Variants in PRKCA observed in about 807,000 individuals in gnomAD.
The protein encoded by PRKCA is protein kinase C alpha type.
In PRKCA, 27 loss-of-function variants were observed where a neutral mutation model predicts 87.0. That is an observed-to-expected ratio of 0.31 (90% CI 0.23 to 0.43). PRKCA has a LOEUF of 0.43. Among genes scored for constraint, PRKCA ranks in the 20% least tolerant of loss-of-function variants. PRKCA has a pLI of 1.00. For missense variants in PRKCA, 518 were observed against 852.3 expected (o/e 0.61, Z 4.88); for synonymous variants, 329 against 311.1 (o/e 1.06, Z -0.61).
intron 11 of PRKCA, 141 bp downstream of exon 11, chr17:66,738,996 C>T: frequency 1.5e-6 from 1 of 646,470 alleles, no homozygotes; most frequent in Non-Finnish European, 2.7e-6. Context: ...GATTCTCCCA[C>T]CTCAGCCTCC....
chr17:66,755,082 A>G (rs966697564), intron 13 of PRKCA, among the ~76,000 whole-genome samples: 7 of 152,170 alleles, frequency 4.6e-5, no homozygotes, highest in Non-Finnish European at 8.8e-5. Flanking sequence ...GATTTCTGCC[A>G]GGATCAGCTA....
chr17:66,699,601 T>C (rs934802705), intron 8 of PRKCA, among the ~76,000 whole-genome samples: 1 of 152,236 alleles, frequency 6.6e-6, no homozygotes, highest in African/African-American at 2.4e-5. Context: ...CCAAACACTT[T>C]TTAAGAGACA....
chr17:66,539,692 G>A (rs1002333557), intron 3 of PRKCA, among the ~76,000 whole-genome samples: 5 of 152,082 alleles, frequency 3.3e-5, no homozygotes, highest in African/African-American at 1.2e-4. Flanking sequence ...CGTAAGCACC[G>A]CGCCCGGCCT....
At chr17:66,336,763 T>TGTGTGTGTGTGC (rs1906709759) in intron 2 of PRKCA, among the ~76,000 whole-genome samples, 5 of 67,462 alleles carry the variant, frequency 7.4e-5, no homozygotes, top group African/African-American at 2.6e-4. Context: ...TTTGTGTGTG[T>TGTGTGTGTGTGC]GTGTGTGTGT....
intron 2 of PRKCA, among the ~76,000 whole-genome samples, chr17:66,409,763 A>G (rs1264764795): frequency 3.9e-5 from 6 of 152,148 alleles, no homozygotes; most frequent in Non-Finnish European, 8.8e-5. Flanking sequence ...CCCCGTCTCC[A>G]CTAAAAAGTA....
chr17:66,622,748 G>A (rs760965065), intron 3 of PRKCA, among the ~76,000 whole-genome samples: 19 of 152,324 alleles, frequency 1.2e-4, no homozygotes, highest in Non-Finnish European at 1.6e-4. Context: ...AAGGTGAAAG[G>A]CACTTCTTAA....
chr17:66,649,097 C>CAA (rs919549017), intron 5 of PRKCA, among the ~76,000 whole-genome samples: 6 of 89,700 alleles, frequency 6.7e-5, no homozygotes, highest in South Asian at 7.5e-4. Context: ...GAGTCCATCT[C>CAA]AAAAAAAAAA....
At chr17:66,435,697 G>A (rs1176789709) in intron 2 of PRKCA, among the ~76,000 whole-genome samples, 5 of 152,156 alleles carry the variant, frequency 3.3e-5, no homozygotes, top group African/African-American at 7.2e-5. Flanking sequence ...AAAACAATGC[G>A]CATGAAGTGC....
chr17:66,383,280 T>A (rs1344699098), intron 2 of PRKCA, among the ~76,000 whole-genome samples: 3 of 152,216 alleles, frequency 2.0e-5, no homozygotes, highest in Admixed American at 6.5e-5. Context: ...TCTCGACAGA[T>A]GTTTCCAAGT....
intron 5 of PRKCA, among the ~76,000 whole-genome samples, chr17:66,655,279 A>G (rs1245017765): frequency 1.3e-5 from 2 of 152,326 alleles, no homozygotes; most frequent in East Asian, 3.9e-4. Flanking sequence ...TCTTATGTCC[A>G]CATGACCCCT....
chr17:66,339,367 A>T (rs1906900534), intron 2 of PRKCA, among the ~76,000 whole-genome samples: 3 of 152,174 alleles, frequency 2.0e-5, no homozygotes, highest in Non-Finnish European at 2.9e-5. Flanking sequence ...CGGGGAAATG[A>T]ACTCTTCACT....
intron 3 of PRKCA, among the ~76,000 whole-genome samples, chr17:66,525,259 T>A (rs1000045436): frequency 6.6e-6 from 1 of 152,234 alleles, no homozygotes; most frequent in East Asian, 1.9e-4. Context: ...CACCTGCAGC[T>A]GCATGAGCTT....
At chr17:66,635,500 G>C (rs151015482) in intron 3 of PRKCA, among the ~76,000 whole-genome samples, 2 of 152,310 alleles carry the variant, frequency 1.3e-5, no homozygotes, top group East Asian at 3.9e-4. Context: ...GGTCAGAAAG[G>C]TTTGGAAACA....
At chr17:66,318,505 A>G (rs775612130) in intron 2 of PRKCA, among the ~76,000 whole-genome samples, 1 of 152,158 alleles carries the variant, frequency 6.6e-6, no homozygotes, top group Non-Finnish European at 1.5e-5. Context: ...CTTTCAAGTC[A>G]TATTTTATAA....
At chr17:66,418,293 A>G (rs1912279270) in intron 2 of PRKCA, among the ~76,000 whole-genome samples, 1 of 152,314 alleles carries the variant, frequency 6.6e-6, no homozygotes, top group South Asian at 2.1e-4. Flanking sequence ...CATTCTGTAG[A>G]TATGTTTGAA....
intron 2 of PRKCA, among the ~76,000 whole-genome samples, chr17:66,330,530 C>T (rs1485467293): frequency 1.3e-5 from 2 of 152,060 alleles, no homozygotes; most frequent in African/African-American, 2.4e-5. Flanking sequence ...TTTTTAGAAT[C>T]GTACAGCTGT....
At chr17:66,462,658 G>T (rs1325431427) in intron 2 of PRKCA, among the ~76,000 whole-genome samples, 1 of 152,122 alleles carries the variant, frequency 6.6e-6, no homozygotes, top group African/African-American at 2.4e-5. Context: ...TGTAAGCCAT[G>T]ATATAGGTCT....
At chr17:66,665,107 G>GT (rs766168422) in intron 5 of PRKCA, among the ~76,000 whole-genome samples, 9 of 152,114 alleles carry the variant, frequency 5.9e-5, no homozygotes, top group Admixed American at 3.3e-4. Flanking sequence ...ACACTGGAGG[G>GT]TTTTTTCTGG....
chr17:66,445,966 A>G (rs76398049), intron 2 of PRKCA, among the ~76,000 whole-genome samples: 3,714 of 151,864 alleles, frequency 0.024, 149 homozygotes, highest in African/African-American at 0.084. Flanking sequence ...GGTGCGTGCC[A>G]CTACACCTGG....
Sources: allele counts gnomAD v4.1 joint callset (sites outside exome capture counted in the v4.1 genomes callset), GRCh38; gene constraint gnomAD v4.1.1; transcripts MANE v1.5; gene names NCBI Gene and HGNC (gene_info 2026-07-23, HGNC 2026-07-21).